The following RPL39 variants were observed in gnomAD, a reference collection of about 807,000 sequenced individuals.
RPL39 encodes the protein ribosomal protein L39, also known as large ribosomal subunit protein eL39.
For synonymous variants in RPL39, 8 were observed against 11.4 expected (o/e 0.70, Z 0.60); for missense variants, 6 against 37.2 (o/e 0.16, Z 2.18).
At chrX:119,790,794 A>G (rs2055695627) in intron 1 of RPL39, 1 of 111,122 alleles carries the variant, frequency 9.0e-6, no homozygotes, top group East Asian at 2.8e-4. Flanking sequence ...AACCTGGACG[A>G]ACATACCCTT....
intron 1 of RPL39, chrX:119,791,282 G>A (rs1255529881): frequency 1.5e-5 from 4 of 273,000 alleles, no homozygotes; most frequent in African/African-American, 2.8e-5. Flanking sequence ...GAACGAGTTC[G>A]CTACAAGCGA....
chrX:119,789,811 C>G, intron 2 of RPL39, 97 bp downstream of exon 2: 1 of 498,192 alleles, frequency 2.0e-6, no homozygotes, highest in Non-Finnish European at 3.6e-6. Flanking sequence ...GGATTGCATG[C>G]AATTTTAATC....
At chrX:119,787,332 G>A (rs761619777) in intron 2 of RPL39, 2 of 371,281 alleles carry the variant, frequency 5.4e-6, no homozygotes, top group Non-Finnish European at 1.0e-5. Context: ...CACGTCTAGT[G>A]CAGGGAAACA....
At chrX:119,791,350 T>C in intron 1 of RPL39, 1 of 305,862 alleles carries the variant, frequency 3.3e-6, no homozygotes, top group Non-Finnish European at 5.9e-6. Context: ...AGAGCCCCCT[T>C]GAATCCGCGG....
chrX:119,790,214 TAA>T (rs2055691904), intron 1 of RPL39: 1 of 360,459 alleles, frequency 2.8e-6, no homozygotes, highest in East Asian at 4.3e-5. Context: ...ATCGTTCAGA[TAA>T]AATAAGTGGA....
chrX:119,786,751 CAA>C lies in RPL39; in HGVS notation c.108-21_108-20del, dbSNP rs202184818. On this transcript the variant is annotated intron_variant, in intron 2 of 2. Transcript: ENST00000361575. ...GTTGTACCTACACAGAAAAAAATGT[CAA>C]GTTACAAAGGCAGTCTGACAGCAAT... 1.9e-3 allele frequency: 2,280 copies of C among 1,187,081 alleles called. 31 individuals are homozygous for C. The African/African-American group carries it at 0.035, about 18-fold the overall frequency.
rs766876854 is a variant in RPL39, at chrX:119,790,042, T to C, written c.4-31A>G. 4 of 843,718 alleles carry C rather than the reference T, an allele frequency of 4.7e-6. No homozygotes were observed. In the African/African-American group the frequency reaches 8.0e-5, roughly 17 times the overall value. 69.5% of individuals were successfully genotyped at this position (843,718 alleles called of 1,213,427 possible). ...AAGAAAATGCAATCAATTTAGACAA[T>C]ATTAGAGCCTGCCCGAATGATTCAA... is the stretch of plus-strand genomic sequence containing the variant. On this transcript the variant is annotated intron_variant, in intron 1 of 2. Coordinates refer to ENST00000361575, the MANE Select transcript of RPL39 (RefSeq NM_001000.4).
At chrX:119,789,850 G>A (rs2055689801) in intron 2 of RPL39, 58 bp downstream of exon 2, 6 of 641,370 alleles carry the variant, frequency 9.4e-6, no homozygotes, top group Non-Finnish European at 1.6e-5. Flanking sequence ...AGTAACCCTG[G>A]CCAGACACAG....
intron 2 of RPL39, 63 bp downstream of exon 2, chrX:119,789,845 C>T (rs2055689755): frequency 1.6e-6 from 1 of 616,706 alleles, no homozygotes; most frequent in South Asian, 2.3e-5. Context: ...CAAAAAGTAA[C>T]CCTGGCCAGA....
Position 119,789,556 on chromosome X carries a change from CAAAACA to C in RPL39, c.107+346_107+351del, listed in dbSNP as rs781553054. On this transcript the variant is annotated intron_variant, in intron 2 of 2. Coordinates refer to ENST00000361575, the MANE Select transcript of RPL39 (RefSeq NM_001000.4). ...CGGGTAACAGAGCGAGACTCCGTCT[CAAAACA>C]AAAACAAAAACAAAAACAAAAACAA... Among the ~76,000 whole-genome samples the C allele has an allele frequency of 8.3e-3, 699 of 84,544 alleles. 7 individuals are homozygous for C. The highest frequency in any genetic ancestry group is 0.023 in the African/African-American group (524 of 23,014). 73.4% of individuals were successfully genotyped at this position (84,544 alleles called of 115,157 possible). A position where few individuals can be genotyped will look rare whatever the true frequency, so the allele number is the denominator to read the frequency against.
intron 2 of RPL39, among the ~76,000 whole-genome samples, chrX:119,788,957 A>G (rs1334505585): frequency 2.7e-5 from 3 of 112,055 alleles, no homozygotes; most frequent in Non-Finnish European, 3.8e-5. Flanking sequence ...GTCTCTTTTT[A>G]GAAAAGAGAA....
intron 2 of RPL39, chrX:119,787,497 T>A (rs763185729): frequency 9.7e-5 from 36 of 371,571 alleles, no homozygotes; most frequent in Admixed American, 2.1e-4. Context: ...AAAACATTTT[T>A]AACGCTGGAA....
chrX:119,787,503 TG>T (rs2055673864), intron 2 of RPL39: 1 of 371,847 alleles, frequency 2.7e-6, no homozygotes, highest in Middle Eastern at 4.8e-4. Context: ...TTTTTAACGC[TG>T]GAAGATAGCT....
At chrX:119,789,735 G>A (rs2147734113) in intron 2 of RPL39, among the ~76,000 whole-genome samples, 173 bp downstream of exon 2, 1 of 112,477 alleles carries the variant, frequency 8.9e-6, no homozygotes, top group Admixed American at 9.5e-5. Flanking sequence ...TGGGCTGGAT[G>A]CAGTGCAGAA....
intron 1 of RPL39, chrX:119,790,746 T>C (rs2055695304): frequency 9.0e-6 from 1 of 111,642 alleles, no homozygotes; most frequent in East Asian, 2.8e-4. Context: ...CAGAATAATC[T>C]TGCAAAATTG....
At chrX:119,786,808 G>A in intron 2 of RPL39, 76 bp from the exon 3 acceptor site, 1 of 796,286 alleles carries the variant, frequency 1.3e-6, no homozygotes, top group Non-Finnish European at 1.9e-6. Context: ...TAACCTTTTA[G>A]GTACCACAAA....
intron 1 of RPL39, chrX:119,791,078 G>A (rs1861797793): frequency 1.6e-5 from 2 of 126,249 alleles, no homozygotes; most frequent in South Asian, 7.2e-4. Flanking sequence ...TCAAGTCTCT[G>A]AATAAACGTC....
chrX:119,787,093 A>G (rs1487902548), intron 2 of RPL39, among the ~76,000 whole-genome samples: 1 of 86,221 alleles, frequency 1.2e-5, no homozygotes, highest in East Asian at 2.9e-4. Flanking sequence ...AAGCTCCCGC[A>G]TGATATTTTT....
intron 1 of RPL39, 39 bp downstream of exon 1, chrX:119,791,535 G>A: frequency 8.9e-7 from 1 of 1,119,279 alleles, no homozygotes; most frequent in South Asian, 2.3e-5. Context: ...TCGGGTTTTG[G>A]GAAGCCACCC....
Sources: allele counts gnomAD v4.1 joint callset (sites outside exome capture counted in the v4.1 genomes callset), GRCh38; gene constraint gnomAD v4.1.1; transcripts MANE v1.5; gene names NCBI Gene and HGNC (gene_info 2026-07-23, HGNC 2026-07-21).